FER: variants seen among roughly 807,000 people sequenced by gnomAD.
The protein encoded by FER is tyrosine-protein kinase Fer.
FER carries 63 observed loss-of-function variants against 111.0 expected under a neutral mutation model. The observed-to-expected ratio is 0.57, with a 90% confidence interval of 0.46 to 0.70. FER has a LOEUF of 0.70. Ranked by LOEUF, FER falls within the 30% of genes least tolerant of loss-of-function variation. The probability of loss-of-function intolerance (pLI) is 0.00; values close to 1 mark genes in which losing one functional copy is unlikely to be tolerated. For synonymous variants in FER, 327 were observed against 313.9 expected (o/e 1.04, Z -0.44); for missense variants, 914 against 954.0 (o/e 0.96, Z 0.55).
intron 3 of FER, among the ~76,000 whole-genome samples, chr5:108,808,273 C>G (rs1757401488): frequency 6.6e-6 from 1 of 151,808 alleles, no homozygotes; most frequent in Non-Finnish European, 1.5e-5. Context: ...TTTTGTGAAT[C>G]TAGGTGCTTC....
At chr5:108,977,429 G>C (rs533692747) in intron 13 of FER, among the ~76,000 whole-genome samples, 1 of 151,896 alleles carries the variant, frequency 6.6e-6, no homozygotes, top group Non-Finnish European at 1.5e-5. Flanking sequence ...TTTCCAAGTT[G>C]TCTCAAATTT....
intron 14 of FER, among the ~76,000 whole-genome samples, chr5:109,041,029 G>C (rs934009182): frequency 1.3e-5 from 2 of 152,120 alleles, no homozygotes; most frequent in East Asian, 1.9e-4. Context: ...ATGAGGATGG[G>C]AGATTTGAGA....
chr5:108,904,297 G>A (rs556115427), intron 10 of FER, among the ~76,000 whole-genome samples: 1 of 152,130 alleles, frequency 6.6e-6, no homozygotes, highest in African/African-American at 2.4e-5. Context: ...GGGCAATAAG[G>A]CAATGAGTGC....
At chr5:109,173,765 C>A (rs897425345) in intron 17 of FER, among the ~76,000 whole-genome samples, 20 of 148,124 alleles carry the variant, frequency 1.4e-4, no homozygotes, top group South Asian at 2.2e-4. Context: ...CTCCCCCCCC[C>A]CCACAAGTAA....
intron 13 of FER, among the ~76,000 whole-genome samples, chr5:108,960,483 AT>A (rs1479437437): frequency 4.6e-5 from 7 of 151,926 alleles, no homozygotes; most frequent in African/African-American, 1.7e-4. Context: ...TCTACCCTTA[AT>A]TACCAAAACC....
At chr5:108,955,031 C>G (rs556026104) in intron 12 of FER, 99 bp downstream of exon 12, 2 of 1,027,856 alleles carry the variant, frequency 1.9e-6, no homozygotes, top group East Asian at 2.6e-5. Context: ...GCCTGCAACA[C>G]TTGAAATTTA....
At chr5:109,008,862 C>G (rs569736738) in intron 13 of FER, among the ~76,000 whole-genome samples, 5 of 151,776 alleles carry the variant, frequency 3.3e-5, no homozygotes, top group African/African-American at 7.3e-5. Flanking sequence ...CCCAGCTGCT[C>G]GGGAGGGTGA....
intron 13 of FER, among the ~76,000 whole-genome samples, chr5:109,010,387 G>C (rs1472059947): frequency 6.6e-6 from 1 of 151,826 alleles, no homozygotes; most frequent in South Asian, 2.1e-4. Flanking sequence ...TCGATCTCCT[G>C]ACCTCGTGAT....
chr5:108,850,366 T>C (rs1476660155), intron 5 of FER, among the ~76,000 whole-genome samples: 2 of 152,146 alleles, frequency 1.3e-5, no homozygotes, highest in African/African-American at 2.4e-5. Flanking sequence ...TGTTTCTGAT[T>C]TTTCTTCTGC....
intron 12 of FER, among the ~76,000 whole-genome samples, chr5:108,955,248 A>C (rs1369337741): frequency 6.6e-6 from 1 of 151,808 alleles, no homozygotes; most frequent in Non-Finnish European, 1.5e-5. Flanking sequence ...GATTATTATA[A>C]ATTTTTTTCT....
intron 3 of FER, among the ~76,000 whole-genome samples, chr5:108,811,596 A>G (rs1388894646): frequency 6.6e-6 from 1 of 152,122 alleles, no homozygotes; most frequent in East Asian, 1.9e-4. Flanking sequence ...CTATTTCTGT[A>G]TTAGGGTTTT....
chr5:109,060,978 C>T (rs893362521), intron 16 of FER, among the ~76,000 whole-genome samples: 1 of 152,146 alleles, frequency 6.6e-6, no homozygotes, highest in Non-Finnish European at 1.5e-5. Flanking sequence ...GAACCTGCTC[C>T]TGCCCCTGCT....
chr5:108,880,636 C>G (rs140883798), intron 8 of FER, among the ~76,000 whole-genome samples: 206 of 152,004 alleles, frequency 1.4e-3, no homozygotes, highest in Non-Finnish European at 2.4e-3. Context: ...TGAACTATTC[C>G]ATGCAAGCCA....
At chr5:108,949,161 A>G (rs1225082111) in intron 11 of FER, among the ~76,000 whole-genome samples, 2 of 152,100 alleles carry the variant, frequency 1.3e-5, no homozygotes, top group East Asian at 3.8e-4. Context: ...GTTGTAATAT[A>G]GTGTTATAAT....
At chr5:108,831,998 A>G (rs542393494) in intron 3 of FER, among the ~76,000 whole-genome samples, 141 of 152,120 alleles carry the variant, frequency 9.3e-4, no homozygotes, top group South Asian at 2.1e-3. Context: ...TGTGTATGTC[A>G]GGAAGTCTAA....
At chr5:108,824,899 A>G (rs1005513810) in intron 3 of FER, among the ~76,000 whole-genome samples, 2 of 152,124 alleles carry the variant, frequency 1.3e-5, no homozygotes, top group African/African-American at 4.8e-5. Flanking sequence ...TAAATTTTAA[A>G]GTTGGGCATC....
At chr5:109,135,156 G>T (rs527419456) in intron 17 of FER, among the ~76,000 whole-genome samples, 9 of 152,306 alleles carry the variant, frequency 5.9e-5, no homozygotes, top group Non-Finnish European at 8.8e-5. Flanking sequence ...CAAGACAGGT[G>T]GGGAAATGGT....
chr5:108,783,026 G>A lies in FER; in HGVS notation c.-60+14788G>A, dbSNP rs1304925280. Among the ~76,000 whole-genome samples, 5 of 152,116 alleles carry A rather than the reference G, an allele frequency of 3.3e-5. No homozygotes were observed. The East Asian group carries it at 5.8e-4, about 18-fold the overall frequency. On this transcript the variant is annotated intron_variant, in intron 2 of 19. Transcript: ENST00000281092. ...CTTGATTTCTGTAGCTCTACAGCAGGCTGGACCATATTTCTTTGAATTATC... is the reference window on the plus strand; with the variant it reads ...CTTGATTTCTGTAGCTCTACAGCAGACTGGACCATATTTCTTTGAATTATC...
intron 1 of FER, among the ~76,000 whole-genome samples, chr5:108,761,029 C>G (rs561385225): frequency 6.6e-6 from 1 of 152,100 alleles, no homozygotes; most frequent in East Asian, 1.9e-4. Flanking sequence ...CTCCTGGGTT[C>G]AAGCAATTCT....
Sources: gnomAD v4.1 joint callset for allele counts (sites outside exome capture counted in the v4.1 genomes callset) on GRCh38, gnomAD v4.1.1 for gene constraint, MANE v1.5 for transcripts, NCBI Gene and HGNC (gene_info 2026-07-23, HGNC 2026-07-21) for gene names.